Variants in CLEC17A observed in about 807,000 individuals in gnomAD.
The protein encoded by CLEC17A is C-type lectin domain family 17, member A.
CLEC17A carries 37 observed loss-of-function variants against 61.3 expected under a neutral mutation model. The ratio of observed to expected loss-of-function variants is 0.60; its 90% CI spans 0.46 to 0.79. The LOEUF is 0.79. Ranked by LOEUF, CLEC17A falls within the 30% of genes least tolerant of loss-of-function variation. The pLI, the probability that CLEC17A is intolerant of heterozygous loss-of-function variation, is 0.00. For missense variants in CLEC17A, 418 were observed against 464.7 expected, an observed-to-expected ratio of 0.90 and a Z score of 0.92; for synonymous variants, 168 against 164.9, an observed-to-expected ratio of 1.02 and a Z score of -0.14.
At chr19:14,604,824 T>A (rs2074814866) in intron 12 of CLEC17A, among the ~76,000 whole-genome samples, 1 of 152,036 alleles carries the variant, frequency 6.6e-6, no homozygotes. Flanking sequence ...AAATCAAAAC[T>A]GCAAATAAAT....
intron 3 of CLEC17A, among the ~76,000 whole-genome samples, chr19:14,589,120 G>A (rs1396784991): frequency 1.3e-5 from 2 of 151,014 alleles, no homozygotes; most frequent in East Asian, 3.9e-4. Context: ...CTATAGCCCA[G>A]CCTCGACTCC....
chr19:14,594,011 G>A (rs1448605208), intron 4 of CLEC17A, among the ~76,000 whole-genome samples: 3 of 151,124 alleles, frequency 2.0e-5, no homozygotes, highest in Non-Finnish European at 3.0e-5. Flanking sequence ...GGCCGGGCAC[G>A]GTGGCTCAGC....
chr19:14,595,176 C>G (rs2146698354), intron 7 of CLEC17A, 98 bp from the exon 8 acceptor site: 1 of 1,387,448 alleles, frequency 7.2e-7, no homozygotes, highest in Non-Finnish European at 1.0e-6. Context: ...ACAGCCAGCC[C>G]CCTAAATTCT....
intron 8 of CLEC17A, 53 bp from the exon 9 acceptor site, chr19:14,596,822 CT>C: frequency 6.3e-7 from 1 of 1,584,184 alleles, no homozygotes; most frequent in South Asian, 1.2e-5. Context: ...GAGTCTCTTC[CT>C]TACTCTCTGA....
chr19:14,605,241 G>A (rs193027582), intron 12 of CLEC17A, among the ~76,000 whole-genome samples: 1 of 152,106 alleles, frequency 6.6e-6, no homozygotes, highest in Admixed American at 6.6e-5. Flanking sequence ...GGGAATACAG[G>A]CATGACACCA....
intron 12 of CLEC17A, among the ~76,000 whole-genome samples, chr19:14,606,187 A>G (rs1477753951): frequency 6.6e-6 from 1 of 152,118 alleles, no homozygotes; most frequent in Middle Eastern, 3.2e-3. Context: ...ATCAGTTACT[A>G]TTGCTAAAAA....
At chr19:14,593,181 A>G (rs1445828302) in intron 4 of CLEC17A, among the ~76,000 whole-genome samples, 2 of 151,984 alleles carry the variant, frequency 1.3e-5, no homozygotes, top group Non-Finnish European at 2.9e-5. Flanking sequence ...AGAGGATATA[A>G]AAGTGGAGGT....
At chr19:14,604,753 ACT>A (rs1185673932) in intron 12 of CLEC17A, among the ~76,000 whole-genome samples, 1 of 151,954 alleles carries the variant, frequency 6.6e-6, no homozygotes, top group Non-Finnish European at 1.5e-5. Context: ...ACAAAGCAAG[ACT>A]CTGACTCAAA....
chr19:14,592,247 A>G (rs1020981339), intron 3 of CLEC17A, 34 bp from the exon 4 acceptor site: 5 of 1,549,018 alleles, frequency 3.2e-6, no homozygotes, highest in South Asian at 2.4e-5. Context: ...GGAGGAGGGA[A>G]TGGCTGGGCT....
intron 13 of CLEC17A, among the ~76,000 whole-genome samples, chr19:14,607,714 T>G (rs1208479775): frequency 6.6e-6 from 1 of 151,680 alleles, no homozygotes; most frequent in Non-Finnish European, 1.5e-5. Context: ...GTAGCTGGGA[T>G]TACAGACACC....
At chr19:14,607,495 G>T (rs373130393) in intron 13 of CLEC17A, among the ~76,000 whole-genome samples, 12 of 151,502 alleles carry the variant, frequency 7.9e-5, no homozygotes, top group African/African-American at 2.9e-4. Flanking sequence ...GAGCCACCGC[G>T]CCCGGCCAGG....
At chr19:14,592,465 C>A (rs2074444227) in intron 4 of CLEC17A, 107 bp downstream of exon 4, 3 of 1,550,968 alleles carry the variant, frequency 1.9e-6, no homozygotes, top group Admixed American at 2.0e-5. Context: ...CTGTATCCAG[C>A]CCATGCCAGG....
intron 8 of CLEC17A, among the ~76,000 whole-genome samples, chr19:14,595,716 C>T (rs1599548869): frequency 1.0e-5 from 1 of 98,950 alleles, no homozygotes; most frequent in South Asian, 4.0e-4. Context: ...GGTGGAGATA[C>T]TGATGATGGT....
At chr19:14,586,698 A>T (rs958878174) in intron 2 of CLEC17A, among the ~76,000 whole-genome samples, 10 of 152,020 alleles carry the variant, frequency 6.6e-5, no homozygotes, top group Admixed American at 5.9e-4. Context: ...AAGTGCTGGG[A>T]TTATAGGCAT....
chr19:14,587,442 G>C (rs1440287016), intron 2 of CLEC17A, among the ~76,000 whole-genome samples, 172 bp from the exon 3 acceptor site: 3 of 152,136 alleles, frequency 2.0e-5, no homozygotes, highest in African/African-American at 4.8e-5. Context: ...TTCTATCTCT[G>C]GGTGTCCAGA....
intron 13 of CLEC17A, among the ~76,000 whole-genome samples, chr19:14,608,095 C>G (rs2074947967): frequency 6.6e-6 from 1 of 151,874 alleles, no homozygotes; most frequent in Non-Finnish European, 1.5e-5. Context: ...TGGTTTTGAA[C>G]TTCTGAGCTC....
intron 3 of CLEC17A, among the ~76,000 whole-genome samples, chr19:14,591,505 C>G (rs1204675626): frequency 1.3e-5 from 2 of 150,860 alleles, no homozygotes; most frequent in Non-Finnish European, 2.9e-5. Context: ...AGTGCAGTGG[C>G]GCTATCTCGG....
intron 10 of CLEC17A, among the ~76,000 whole-genome samples, chr19:14,598,597 CT>C (rs780937197): frequency 1.1e-4 from 17 of 152,024 alleles, no homozygotes; most frequent in Non-Finnish European, 2.2e-4. Flanking sequence ...CCTCAGCCTC[CT>C]GAATAGCTCA....
intron 7 of CLEC17A, 101 bp downstream of exon 7, chr19:14,594,901 T>A: frequency 8.4e-7 from 1 of 1,186,778 alleles, no homozygotes; most frequent in Non-Finnish European, 1.2e-6. Context: ...TGAGACAGAG[T>A]CTCACTGTCA....
Sources: allele counts gnomAD v4.1 joint callset (sites outside exome capture counted in the v4.1 genomes callset), GRCh38; gene constraint gnomAD v4.1.1; transcripts MANE v1.5; gene names NCBI Gene and HGNC (gene_info 2026-07-23, HGNC 2026-07-21).